SEMA4D: variants seen among roughly 807,000 people sequenced by gnomAD.
The protein encoded by SEMA4D is semaphorin 4D, also known as semaphorin-4D.
A neutral mutation model predicts 74.8 loss-of-function variants in SEMA4D; 22 were observed. The observed-to-expected ratio is 0.29, with a 90% CI of 0.21 to 0.42. The LOEUF is 0.42. SEMA4D is among the 10% of genes least tolerant of loss of function. SEMA4D has a pLI of 1.00. For missense variants in SEMA4D, 937 were observed against 1,118.4 expected, an observed-to-expected ratio of 0.84 and a Z score of 2.31; for synonymous variants, 445 against 463.7, an observed-to-expected ratio of 0.96 and a Z score of 0.52.
At chr9:89,472,329 CAA>C (rs1477450269) in intron 1 of SEMA4D, 4 of 433,324 alleles carry the variant, frequency 9.2e-6, no homozygotes, top group Non-Finnish European at 1.8e-5. Context: ...GAGGAGATGG[CAA>C]AGTTAGCTGG....
chr9:89,495,768 G>C (rs909201293), intron 1 of SEMA4D, among the ~76,000 whole-genome samples: 2 of 152,132 alleles, frequency 1.3e-5, no homozygotes, highest in Admixed American at 1.3e-4. Context: ...GGGGTCAGGA[G>C]GAGAATCTGC....
At chr9:89,392,735 T>G (rs556121587) in intron 7 of SEMA4D, among the ~76,000 whole-genome samples, 199 bp from the exon 8 acceptor site, 1 of 152,240 alleles carries the variant, frequency 6.6e-6, no homozygotes, top group Admixed American at 6.5e-5. Flanking sequence ...GAGGTTTTTT[T>G]GTTTTGTTTT....
chr9:89,384,578 A>G, intron 13 of SEMA4D: 1 of 842,822 alleles, frequency 1.2e-6, no homozygotes, highest in Non-Finnish European at 1.4e-6. Context: ...GCTGCAAAAC[A>G]ACGTGAATGT....
intron 3 of SEMA4D, among the ~76,000 whole-genome samples, chr9:89,403,950 A>G (rs1842721440): frequency 6.6e-6 from 1 of 152,226 alleles, no homozygotes; most frequent in South Asian, 2.1e-4. Context: ...AAAGAGAGTC[A>G]GGTGTTCATA....
chr9:89,364,219 C>A, intron 16 of SEMA4D: 1 of 598,880 alleles, frequency 1.7e-6, no homozygotes, highest in Non-Finnish European at 2.8e-6. Context: ...TCCCCTAGGA[C>A]CCCCTTTCTT....
intron 16 of SEMA4D, chr9:89,367,592 T>A (rs1030380833): frequency 6.6e-6 from 1 of 152,074 alleles, no homozygotes; most frequent in African/African-American, 2.4e-5. Flanking sequence ...GAAGGGAAGT[T>A]GTTGTGGCTT....
rs1554777607 is a variant in SEMA4D, at chr9:89,452,188, T to TTTG, written c.-244+3699_-244+3700insCAA. Among the ~76,000 whole-genome samples the TTTG allele has an allele frequency of 5.4e-5, 8 of 147,224 alleles. 1 individual carries two copies. Among genetic ancestry groups the TTTG allele is most frequent in the African/African-American group, 1.3e-4 (5 of 39,478 alleles). ...TCCTGTCTTGGTTTTTTTTGTTTTT[T>TTTG]TTTTTTTTGAGATGGAGTCTCGCTC... is the stretch of plus-strand genomic sequence containing the variant. On this transcript the variant is annotated intron_variant, in intron 2 of 15. Coordinates refer to ENST00000422704, the MANE Select transcript of SEMA4D (RefSeq NM_001371194.2).
intron 2 of SEMA4D, among the ~76,000 whole-genome samples, chr9:89,428,998 T>G (rs1848680344): frequency 1.3e-5 from 2 of 152,054 alleles, no homozygotes; most frequent in African/African-American, 4.8e-5. Context: ...CCTAGGTCCC[T>G]GTGGGGGGGG....
chr9:89,370,948 GGTGT>G (rs1488263759), intron 16 of SEMA4D, among the ~76,000 whole-genome samples: 1 of 141,740 alleles, frequency 7.1e-6, no homozygotes, highest in Non-Finnish European at 1.5e-5. Flanking sequence ...TCTGGGGTAT[GGTGT>G]GTATCTGGGG....
intron 1 of SEMA4D, among the ~76,000 whole-genome samples, chr9:89,490,056 T>C (rs1207311884): frequency 3.3e-5 from 5 of 151,542 alleles, no homozygotes; most frequent in African/African-American, 1.2e-4. Flanking sequence ...TTAAAGCTAG[T>C]AGGGTGCGAG....
chr9:89,434,103 G>A (rs1849872647), intron 2 of SEMA4D, among the ~76,000 whole-genome samples: 3 of 152,206 alleles, frequency 2.0e-5, no homozygotes, highest in Admixed American at 1.3e-4. Flanking sequence ...ATACCACATT[G>A]TCTCCAGCTG....
At chr9:89,406,020 G>T in intron 2 of SEMA4D, 1 of 831,336 alleles carries the variant, frequency 1.2e-6, no homozygotes, top group Non-Finnish European at 1.5e-6. Flanking sequence ...TCCTTCCTGT[G>T]TGGCTGCTGT....
chr9:89,394,817 G>A (rs1022573404), intron 6 of SEMA4D, among the ~76,000 whole-genome samples: 21 of 152,386 alleles, frequency 1.4e-4, no homozygotes, highest in African/African-American at 4.8e-4. Flanking sequence ...TTTCGGGGCT[G>A]TTGGGGAAAT....
In SEMA4D at chr9:89,379,741, G is replaced by A. The variant is rs188575540; in HGVS notation, c.1664-112C>T. ...AGAGTTTCACCCACTGTAGCAACATGGAATCTTCCAGAACAACTAAGGAGA... is the reference window on the plus strand; with the variant it reads ...AGAGTTTCACCCACTGTAGCAACATAGAATCTTCCAGAACAACTAAGGAGA... On this transcript the variant is annotated intron_variant, in intron 15 of 15. Transcript: ENST00000422704. The A allele has an allele frequency of 9.8e-4, 1,236 of 1,265,600 alleles. 8 individuals are homozygous for A. The African/African-American group carries it at 0.017, about 17-fold the overall frequency. The allele number at this position is 1,265,600 out of a possible 1,614,324, so 78.4% of individuals were successfully genotyped here.
intron 3 of SEMA4D, among the ~76,000 whole-genome samples, chr9:89,404,907 T>A (rs1352608055): frequency 8.0e-6 from 1 of 124,304 alleles, no homozygotes; most frequent in Non-Finnish European, 1.6e-5. Context: ...CGCCTCAGCA[T>A]CCCAGGAATT....
intron 2 of SEMA4D, among the ~76,000 whole-genome samples, chr9:89,451,682 G>A (rs1854543917): frequency 6.6e-6 from 1 of 152,066 alleles, no homozygotes; most frequent in Admixed American, 6.5e-5. Context: ...GCTGTCCCAG[G>A]AAACTAGGGC....
chr9:89,452,577 G>A (rs1854863751), intron 2 of SEMA4D, among the ~76,000 whole-genome samples: 1 of 152,006 alleles, frequency 6.6e-6, no homozygotes, highest in African/African-American at 2.4e-5. Context: ...TCAGCCTCCA[G>A]AGTGGCTGGG....
chr9:89,461,939 G>C (rs1009608073), intron 1 of SEMA4D, among the ~76,000 whole-genome samples: 1 of 152,090 alleles, frequency 6.6e-6, no homozygotes, highest in African/African-American at 2.4e-5. Flanking sequence ...CTGACCTCAT[G>C]ATCTGCCCAC....
chr9:89,393,094 G>A (rs550319251), intron 7 of SEMA4D, among the ~76,000 whole-genome samples: 4 of 152,256 alleles, frequency 2.6e-5, no homozygotes, highest in Admixed American at 2.6e-4. Context: ...TCACTTTGAT[G>A]GGGATAATTT....
Sources: allele counts gnomAD v4.1 joint callset (sites outside exome capture counted in the v4.1 genomes callset), GRCh38; gene constraint gnomAD v4.1.1; transcripts MANE v1.5; gene names NCBI Gene and HGNC (gene_info 2026-07-23, HGNC 2026-07-21).